INTS13: variants seen among roughly 807,000 people sequenced by gnomAD.
INTS13 encodes the protein integrator complex subunit 13.
A neutral mutation model predicts 90.2 loss-of-function variants in INTS13; 35 were observed. The observed-to-expected ratio is 0.39, with a 90% CI of 0.30 to 0.51. INTS13 has a LOEUF of 0.51. Ranked by LOEUF, INTS13 falls within the 20% of genes least tolerant of loss-of-function variation. INTS13 has a pLI of 0.80. For synonymous variants in INTS13, 309 were observed against 277.1 expected, an observed-to-expected ratio of 1.11 and a Z score of -1.14; for missense variants, 601 against 851.2, an observed-to-expected ratio of 0.71 and a Z score of 3.66.
Position 26,936,574 on chromosome 12 carries a change from C to A in INTS13, c.225+5G>T. On this transcript the variant is annotated splice_donor_5th_base_variant and intron_variant, in intron 2 of 16. Coordinates refer to ENST00000261191, the MANE Select transcript of INTS13 (RefSeq NM_018164.3). ...ATCATGATTTTGTTTGTACTTCACACTCACCAGCTTTTTGAAAGGAAATAT... is the reference window on the plus strand; with the variant it reads ...ATCATGATTTTGTTTGTACTTCACAATCACCAGCTTTTTGAAAGGAAATAT... The A allele has an allele frequency of 1.3e-6, 2 of 1,592,860 alleles. No individual in the cohort carries two copies. Among genetic ancestry groups the A allele is most frequent in the Non-Finnish European group, 1.7e-6 (2 of 1,161,140 alleles).
chr12:26,922,148 C>T (rs1952137697), intron 8 of INTS13, among the ~76,000 whole-genome samples: 1 of 152,188 alleles, frequency 6.6e-6, no homozygotes, highest in Non-Finnish European at 1.5e-5. Flanking sequence ...TCTTGGTTAT[C>T]AGATCCACTG....
intron 15 of INTS13, among the ~76,000 whole-genome samples, chr12:26,908,096 T>G (rs921522991): frequency 6.6e-6 from 1 of 152,182 alleles, no homozygotes; most frequent in African/African-American, 2.4e-5. Flanking sequence ...TGGCATGACA[T>G]TTTCTTTCAT....
chr12:26,919,652 A>G (rs1952050237), intron 8 of INTS13, among the ~76,000 whole-genome samples: 1 of 149,582 alleles, frequency 6.7e-6, no homozygotes, highest in African/African-American at 2.4e-5. Context: ...ATGATGGATT[A>G]GATGTCTCAA....
In INTS13 at chr12:26,937,977, G is replaced by A. The variant is rs1021841580; in HGVS notation, c.-193C>T. 2 of 151,956 alleles carry A rather than the reference G, an allele frequency of 1.3e-5. No individual in the cohort carries two copies. The highest frequency in any genetic ancestry group is 2.9e-5 in the Non-Finnish European group (2 of 68,084). The allele number at this position is 151,956 out of a possible 1,614,324, so 9.4% of individuals were successfully genotyped here. A position where few individuals can be genotyped will look rare whatever the true frequency, so the allele number is the denominator to read the frequency against. On this transcript the variant is annotated 5_prime_UTR_variant, in exon 1 of 17. Coordinates refer to ENST00000261191, the MANE Select transcript of INTS13 (RefSeq NM_018164.3). ...CCGGTCCTTCCCAGGCTTCCTAAGA[G>A]CAGGAGCGCGCGTGCGCGTGCACAC...
chr12:26,936,438 T>C, intron 2 of INTS13, 141 bp downstream of exon 2: 1 of 625,640 alleles, frequency 1.6e-6, no homozygotes, highest in Non-Finnish European at 2.8e-6. Flanking sequence ...CATTATATAT[T>C]AATCCCAAAG....
At chr12:26,933,600 A>C (rs1053685735) in intron 3 of INTS13, among the ~76,000 whole-genome samples, 1 of 152,198 alleles carries the variant, frequency 6.6e-6, no homozygotes, top group East Asian at 1.9e-4. Flanking sequence ...TGTTCTACCA[A>C]AACAAAAGAT....
Position 26,916,070 on chromosome 12 carries a change from A to T in INTS13, c.1180T>A (p.Ser394Thr), listed in dbSNP as rs1158997395. 6.2e-7 allele frequency: 1 copy of T among 1,613,914 alleles called. No homozygotes were observed. Reference protein sequence around the residue: ...IFLHVLSSSRSILEDPPSISE... With the variant: ...IFLHVLSSSRTILEDPPSISE... Reference sequence around the variant, plus strand: ...ATTGAAGGTGGATCTTCTAGAATGGATCGAGAACTGCTAAGGACGTGCAAA... The same window carrying T: ...ATTGAAGGTGGATCTTCTAGAATGGTTCGAGAACTGCTAAGGACGTGCAAA... Residue 394 changes from serine (S) to threonine (T), a missense_variant, in exon 11 of 17, where the codon TCC becomes ACC. Physicochemically the swap from Ser to Thr is moderately conservative, Grantham distance 58 (BLOSUM62 1). This residue lies in a region of INTS13 where 89 missense variants were observed against 191.0 expected (regional missense o/e 0.47). Transcript: ENST00000261191.
In INTS13 at chr12:26,914,514, T is replaced by A. The variant is rs776278300; in HGVS notation, c.1313A>T (p.Asp438Val). The A allele has an allele frequency of 2.9e-5, 46 of 1,613,810 alleles. No homozygotes were observed. In the East Asian group the frequency reaches 9.8e-4, roughly 34 times the overall value. Residue 438 changes from aspartate to valine, a missense_variant, in exon 12 of 17, where the codon GAT (aspartate) becomes GTT (valine). Transcript: ENST00000261191. ...TTCCAAAGGGACCTCAAGACTTCCA[T>A]CGATTTTATATCTGGGGTCTAGAAA... ...TPFLDPRYKI[D>V]GSLEVPLERA...
rs1371179930 is a variant in INTS13, at chr12:26,932,100, A to C, written c.300+2456T>G. Among the ~76,000 whole-genome samples, 4 of 151,766 alleles carry C rather than the reference A, an allele frequency of 2.6e-5. No homozygotes were observed. In the East Asian group the frequency reaches 5.8e-4, roughly 22 times the overall value. On this transcript the variant is annotated intron_variant, in intron 3 of 16. Coordinates refer to ENST00000261191, the MANE Select transcript of INTS13 (RefSeq NM_018164.3). ...GAAACTCAGTCTCAAAAAAAAAAAA[A>C]AAAAACACTCATAAACCAAAAAAGA...
chr12:26,909,936 A>C (rs1351217194), intron 15 of INTS13, among the ~76,000 whole-genome samples: 2 of 152,196 alleles, frequency 1.3e-5, no homozygotes, highest in Non-Finnish European at 2.9e-5. Flanking sequence ...GTGGCAGGAC[A>C]TCAGGTAGTC....
chr12:26,908,538 T>TG (rs1951680044), intron 15 of INTS13, among the ~76,000 whole-genome samples: 1 of 140,380 alleles, frequency 7.1e-6, no homozygotes. Context: ...GTTATTTTGG[T>TG]TTTTTTTTTT....
chr12:26,909,307 G>A (rs998791415), intron 15 of INTS13, among the ~76,000 whole-genome samples: 9 of 152,118 alleles, frequency 5.9e-5, no homozygotes, highest in African/African-American at 2.2e-4. Context: ...GCTGCACTGG[G>A]CTGAGATCGT....
At chr12:26,907,094 T>C (rs1424552201) in intron 15 of INTS13, among the ~76,000 whole-genome samples, 1 of 152,152 alleles carries the variant, frequency 6.6e-6, no homozygotes, top group African/African-American at 2.4e-5. Flanking sequence ...ATTATAATAG[T>C]CTCAGGCCTG....
At chr12:26,927,143 A>T (rs1203574617) in intron 5 of INTS13, among the ~76,000 whole-genome samples, 1 of 152,216 alleles carries the variant, frequency 6.6e-6, no homozygotes, top group Non-Finnish European at 1.5e-5. Flanking sequence ...CTTCATAATA[A>T]ATCAGAAAAC....
chr12:26,921,235 GA>G (rs1952110955), intron 8 of INTS13, among the ~76,000 whole-genome samples: 1 of 152,192 alleles, frequency 6.6e-6, no homozygotes, highest in Non-Finnish European at 1.5e-5. Context: ...TACAGTTGCA[GA>G]AATCAGTTTG....
intron 3 of INTS13, 108 bp downstream of exon 3, chr12:26,934,448 A>T: frequency 1.3e-6 from 1 of 798,314 alleles, no homozygotes; most frequent in South Asian, 1.7e-5. Context: ...TGGCATTTTA[A>T]CACTATATGC....
intron 13 of INTS13, 59 bp from the exon 14 acceptor site, chr12:26,913,746 T>A: frequency 7.0e-7 from 1 of 1,421,138 alleles, no homozygotes. Context: ...TTTCTAGTGG[T>A]AAAGTAAAAA....
intron 9 of INTS13, 29 bp downstream of exon 9, chr12:26,917,615 G>A (rs780259468): frequency 1.3e-5 from 20 of 1,569,716 alleles, no homozygotes; most frequent in African/African-American, 5.4e-5. Flanking sequence ...TTTTGATTTC[G>A]TCTTTTTCAG....
chr12:26,914,639 A>C, intron 11 of INTS13, 61 bp from the exon 12 acceptor site: 1 of 1,358,840 alleles, frequency 7.4e-7, no homozygotes. Flanking sequence ...TATGGATTAC[A>C]TGTACTAGTC....
Sources: gnomAD v4.1 joint callset for allele counts (sites outside exome capture counted in the v4.1 genomes callset) on GRCh38, gnomAD v4.1.1 for gene constraint, gnomAD v4.1.1 regional missense constraint, MANE v1.5 for transcripts, NCBI Gene and HGNC (gene_info 2026-07-23, HGNC 2026-07-21) for gene names.